EFNB2: variants seen among roughly 807,000 people sequenced by gnomAD.
The protein encoded by EFNB2 is ephrin B2.
In EFNB2, 5 loss-of-function variants were observed where a neutral mutation model predicts 32.1. The ratio of observed to expected loss-of-function variants is 0.16; its 90% CI spans 0.08 to 0.33. The LOEUF is 0.33. Ranked by LOEUF, EFNB2 falls within the 10% of genes least tolerant of loss-of-function variation. EFNB2 has a pLI of 1.00. For missense variants in EFNB2, 263 were observed against 422.6 expected, an observed-to-expected ratio of 0.62 and a Z score of 3.31; for synonymous variants, 168 against 166.5, an observed-to-expected ratio of 1.01 and a Z score of -0.07.
At chr13:106,495,108 G>T in intron 3 of EFNB2, 114 bp from the exon 4 acceptor site, 1 of 776,366 alleles carries the variant, frequency 1.3e-6, no homozygotes, top group Non-Finnish European at 2.2e-6. Flanking sequence ...GAGTCTTTAT[G>T]CAAAGTACTG....
intron 2 of EFNB2, among the ~76,000 whole-genome samples, chr13:106,501,205 T>G (rs1229714212): frequency 3.9e-5 from 6 of 152,208 alleles, no homozygotes; most frequent in Non-Finnish European, 7.3e-5. Flanking sequence ...AGAAAAGTTC[T>G]AAACATGGAA....
In EFNB2 at chr13:106,503,531, G is replaced by A. The variant is rs192286153; in HGVS notation, c.407-7691C>T. On this transcript the variant is annotated intron_variant, in intron 2 of 4. Coordinates refer to ENST00000646441, the MANE Select transcript of EFNB2 (RefSeq NM_004093.4). Reference sequence around the variant, plus strand: ...CGGCCCATCCTGTGGAACATGGGCCGTACAGGGACTCGAGGTCCTAAGTTC... The same window carrying A: ...CGGCCCATCCTGTGGAACATGGGCCATACAGGGACTCGAGGTCCTAAGTTC... 1.3e-3 allele frequency among the ~76,000 whole-genome samples: 201 copies of A among 152,280 alleles called. 1 individual carries two copies. Among genetic ancestry groups the A allele is most frequent in the African/African-American group, 4.5e-3 (188 of 41,564 alleles).
At chr13:106,498,417 A>AT (rs907779043) in intron 2 of EFNB2, among the ~76,000 whole-genome samples, 59 of 151,564 alleles carry the variant, frequency 3.9e-4, no homozygotes, top group East Asian at 3.5e-3. Flanking sequence ...ACATTATTTG[A>AT]TTTTTTTTTC....
intron 1 of EFNB2, among the ~76,000 whole-genome samples, chr13:106,522,080 C>CA (rs534888604): frequency 1.3e-4 from 19 of 151,840 alleles, no homozygotes; most frequent in South Asian, 4.2e-4. Flanking sequence ...ACACGCACCC[C>CA]AAAAAAATCA....
rs1878505479 is a variant in EFNB2 at position 106,493,971 on chromosome 13, G to A, written c.614-543C>T. ...AGCTCGTAACTCGTCTGTATTATTT[G>A]ATTTACACTTAAAATATATTTGGAA... On this transcript the variant is annotated intron_variant, in intron 4 of 4. Transcript: ENST00000646441. The surrounding 1 kb of genome is among the most constrained non-coding windows in gnomAD (Gnocchi z 6.1). Among the ~76,000 whole-genome samples, 1 of 152,178 alleles carries A rather than the reference G, an allele frequency of 6.6e-6. No homozygotes were observed. Among genetic ancestry groups the A allele is most frequent in the Admixed American group, 6.5e-5 (1 of 15,270 alleles).
In EFNB2 at chr13:106,491,383, A is replaced by G. The variant is rs1878400721; in HGVS notation, c.*1657T>C. 1.3e-5 allele frequency: 2 copies of G among 152,410 alleles called. No individual in the cohort carries two copies. The highest frequency in any genetic ancestry group is 2.4e-5 in the African/African-American group (1 of 41,354). The allele number at this position is 152,410 out of a possible 1,614,324, so 9.4% of individuals were successfully genotyped here. The stretch of plus-strand genomic sequence containing the variant: ...TGTTTTTCCCAGAAGTAGCTGTCCA[A>G]TTTGTTTTTTTAAGCGCTGAGCATT... On this transcript the variant is annotated 3_prime_UTR_variant, in exon 5 of 5. Coordinates refer to ENST00000646441, the MANE Select transcript of EFNB2 (RefSeq NM_004093.4).
At chr13:106,519,846 C>T (rs1429709920) in intron 1 of EFNB2, 1 of 152,028 alleles carries the variant, frequency 6.6e-6, no homozygotes, top group Non-Finnish European at 1.5e-5. Context: ...AAACTTTGTG[C>T]TATCTTTCAT....
At chr13:106,534,819 A>C in intron 1 of EFNB2, 24 bp downstream of exon 1, 1 of 1,604,720 alleles carries the variant, frequency 6.2e-7, no homozygotes, top group Non-Finnish European at 8.5e-7. Flanking sequence ...GCGGGGACAT[A>C]GGGGGATCGC....
chr13:106,508,622 CT>C (rs1269799569), intron 2 of EFNB2, among the ~76,000 whole-genome samples: 4 of 152,160 alleles, frequency 2.6e-5, no homozygotes, highest in African/African-American at 9.7e-5. Flanking sequence ...GGGGCTATGT[CT>C]TGATACTTGA....
intron 3 of EFNB2, 144 bp downstream of exon 3, chr13:106,495,604 G>T: frequency 1.4e-6 from 1 of 737,624 alleles, no homozygotes; most frequent in Non-Finnish European, 2.2e-6. Context: ...GAGGAAATCT[G>T]TCAGTGGCTC....
At chr13:106,511,473 C>A (rs1566458997) in intron 2 of EFNB2, among the ~76,000 whole-genome samples, 1 of 152,162 alleles carries the variant, frequency 6.6e-6, no homozygotes, top group East Asian at 1.9e-4. Context: ...AAAGCTAGAC[C>A]CTGTCTCTAA....
chr13:106,508,496 T>G (rs1879032717), intron 2 of EFNB2, among the ~76,000 whole-genome samples: 1 of 152,186 alleles, frequency 6.6e-6, no homozygotes, highest in African/African-American at 2.4e-5. Flanking sequence ...TACTTGAAGA[T>G]TAGGAGATCT....
At chr13:106,501,728 G>A (rs1878787568) in intron 2 of EFNB2, among the ~76,000 whole-genome samples, 1 of 151,958 alleles carries the variant, frequency 6.6e-6, no homozygotes, top group Admixed American at 6.6e-5. Flanking sequence ...GAGTAGCTGG[G>A]ACTACAGGAG....
Position 106,492,970 on chromosome 13 carries a change from C to G in EFNB2, c.*70G>C. ...GTCAATTCTCCAGCACGCGGGCTCTCAAACCCTCAAGGGAGGCATCGGGAC... is the reference window on the plus strand; with the variant it reads ...GTCAATTCTCCAGCACGCGGGCTCTGAAACCCTCAAGGGAGGCATCGGGAC... On this transcript the variant is annotated 3_prime_UTR_variant, in exon 5 of 5. Transcript: ENST00000646441. The surrounding 1 kb of genome is among the most constrained non-coding windows in gnomAD (Gnocchi z 5.1). The G allele has an allele frequency of 6.6e-7, 1 of 1,526,112 alleles. No individual in the cohort carries two copies. 94.5% of individuals were successfully genotyped at this position (1,526,112 alleles called of 1,614,324 possible).
chr13:106,526,604 C>T (rs560077006), intron 1 of EFNB2, among the ~76,000 whole-genome samples: 4 of 152,068 alleles, frequency 2.6e-5, no homozygotes, highest in African/African-American at 7.2e-5. Context: ...TCAAGGCCTA[C>T]GAGAACTTGC....
intron 1 of EFNB2, chr13:106,519,988 G>A (rs1244546855): frequency 6.6e-6 from 1 of 152,058 alleles, no homozygotes; most frequent in Non-Finnish European, 1.5e-5. Flanking sequence ...ATAAATCTCT[G>A]AGTCCACAGA....
chr13:106,532,038 T>C (rs1879887507), intron 1 of EFNB2, among the ~76,000 whole-genome samples: 1 of 147,018 alleles, frequency 6.8e-6, no homozygotes, highest in Non-Finnish European at 1.5e-5. Flanking sequence ...AGCTAGGCAT[T>C]ACTGTTCTCT....
At chr13:106,496,455 T>C (rs2138900666) in intron 2 of EFNB2, among the ~76,000 whole-genome samples, 1 of 152,306 alleles carries the variant, frequency 6.6e-6, no homozygotes, top group East Asian at 1.9e-4. Flanking sequence ...AGAACATACG[T>C]GTTATTACTG....
rs1878504055 is a variant in EFNB2 at position 106,493,923 on chromosome 13, T to C, written c.614-495A>G. On this transcript the variant is annotated intron_variant, in intron 4 of 4. Coordinates refer to ENST00000646441, the MANE Select transcript of EFNB2 (RefSeq NM_004093.4). This position sits in a 1 kb window ranked among gnomAD's most constrained non-coding sequence, Gnocchi z 6.1. The stretch of plus-strand genomic sequence containing the variant: ...GAACAGCTCGGGAACGCGGAAGGAG[T>C]GAGGGGGCCTGGGAAAATGTTCAGC... Among the ~76,000 whole-genome samples the C allele has an allele frequency of 6.6e-6, 1 of 151,938 alleles. No homozygotes were observed. Among genetic ancestry groups the C allele is most frequent in the South Asian group, 2.1e-4 (1 of 4,808 alleles).
Sources: gnomAD v4.1 joint callset for allele counts (sites outside exome capture counted in the v4.1 genomes callset) on GRCh38, gnomAD v4.1.1 for gene constraint, Gnocchi (gnomAD v3.1) non-coding constraint, MANE v1.5 for transcripts, NCBI Gene and HGNC (gene_info 2026-07-23, HGNC 2026-07-21) for gene names.